CENPE: variants seen among roughly 807,000 people sequenced by gnomAD.
CENPE encodes centromere-associated protein E.
Under a neutral mutation model 336.1 loss-of-function variants are expected in CENPE, and 145 were observed. The ratio of observed to expected loss-of-function variants is 0.43; its 90% CI spans 0.38 to 0.50. The LOEUF is 0.50. Ranked by LOEUF, CENPE falls within the 20% of genes least tolerant of loss-of-function variation. The probability of loss-of-function intolerance (pLI) is 0.00; values close to 1 mark genes in which losing one functional copy is unlikely to be tolerated. For synonymous variants in CENPE, 1,013 were observed against 984.8 expected (o/e 1.03, Z -0.54); for missense variants, 2,719 against 3,023.3 (o/e 0.90, Z 2.36).
At position 103,159,108 on chromosome 4, in the gene CENPE, T is replaced by C; in HGVS notation, c.2503A>G (p.Met835Val). 1 of 1,603,224 alleles carries C rather than the reference T, an allele frequency of 6.2e-7. No individual in the cohort carries two copies. Among genetic ancestry groups the C allele is most frequent in the Non-Finnish European group, 8.5e-7 (1 of 1,176,176 alleles). ...LHMDFEQKYK[M>V]VLEENERMNQ... Reference sequence around the variant, plus strand: ...ATTCTCTCATTCTCCTCAAGGACCATCTTATACTTTTGCTCAAAGTCCATA... The same window carrying C: ...ATTCTCTCATTCTCCTCAAGGACCACCTTATACTTTTGCTCAAAGTCCATA... Residue 835 changes from methionine (M) to valine (V), a missense_variant, in exon 22 of 49, where the codon ATG becomes GTG. By Grantham distance (21) the Met-to-Val change is conservative. Around this residue, in one of 5 missense-constraint regions of CENPE, gnomAD observed 2,437 missense variants for 2,513.3 expected, o/e 0.97. Coordinates refer to ENST00000265148, the MANE Select transcript of CENPE (RefSeq NM_001813.3).
intron 15 of CENPE, 48 bp downstream of exon 15, chr4:103,175,912 T>A (rs571904687): frequency 5.0e-6 from 6 of 1,193,512 alleles, no homozygotes; most frequent in Non-Finnish European, 7.2e-6. Flanking sequence ...AACAAAAGAA[T>A]TTTAAAAAGA....
At chr4:103,190,879 T>C (rs988301615) in intron 8 of CENPE, among the ~76,000 whole-genome samples, 2 of 151,508 alleles carry the variant, frequency 1.3e-5, no homozygotes, top group African/African-American at 2.4e-5. Flanking sequence ...GGGAGAAAAT[T>C]TTTGCAATCT....
intron 48 of CENPE, among the ~76,000 whole-genome samples, chr4:103,106,750 A>G (rs1045746341): frequency 6.6e-6 from 1 of 152,162 alleles, no homozygotes; most frequent in Non-Finnish European, 1.5e-5. Flanking sequence ...CTTATAAACA[A>G]TATTTATTTT....
chr4:103,136,170 C>A lies in CENPE; in HGVS notation c.6493G>T (p.Glu2165Ter). 1 of 1,613,630 alleles carries A rather than the reference C, an allele frequency of 6.2e-7. No homozygotes were observed. The highest frequency in any genetic ancestry group is 1.1e-5 in the South Asian group (1 of 91,032). Residue 2165 changes from glutamate to a stop codon, truncating the protein, a stop_gained, in exon 40 of 49, where the codon GAA becomes TAA. Coordinates refer to ENST00000265148, the MANE Select transcript of CENPE (RefSeq NM_001813.3). LOFTEE classifies it high-confidence loss of function. ...AGTTTCTTCATGATTCTGTGGAATT[C>A]CATGGAGCATCTCTGGTTTGCAGTA... is the stretch of plus-strand genomic sequence containing the variant. ...LFTANQRCSM[E>*]FHRIMKKLKY...
chr4:103,140,076 G>A lies in CENPE; in HGVS notation c.5917C>T (p.Gln1973Ter), dbSNP rs1752410311. ...KSKDELQKKI[Q>*]ELQKKELQLL... ...TGAAGTTCTTTTTTCTGAAGTTCTT[G>A]GATCTTGAGATAATTGTAAAACAAG... Residue 1973 changes from glutamine (Q) to a stop codon, truncating the protein, a stop_gained, in exon 38 of 49, where the codon CAA (glutamine) becomes TAA (stop). Transcript: ENST00000265148. LOFTEE classifies it high-confidence loss of function. The A allele has an allele frequency of 1.3e-6, 2 of 1,596,236 alleles. No individual in the cohort carries two copies. Among genetic ancestry groups the A allele is most frequent in the Non-Finnish European group, 1.7e-6 (2 of 1,173,222 alleles).
chr4:103,106,279 C>T lies in CENPE; in HGVS notation c.8049G>A (p.Gln2683=), dbSNP rs771832973. ...QNAGAESVDS[Q]PGPWHASSGK... ...CTGAGGAGGCGTGCCAAGGACCTGG[C>T]TGAGAATCCACACTCTCTGCTCCTG... The change falls in exon 49 of 49, where the codon CAG becomes CAA. Residue 2683 remains glutamine, a synonymous_variant. Coordinates refer to ENST00000265148, the MANE Select transcript of CENPE (RefSeq NM_001813.3). 8 of 1,602,564 alleles carry T rather than the reference C, an allele frequency of 5.0e-6. No individual in the cohort carries two copies. In the Admixed American group the frequency reaches 1.4e-4, roughly 27 times the overall value.
rs1446000501 is a variant in CENPE, at chr4:103,182,822, C to G, written c.903G>C (p.Lys301Asn). Residue 301 changes from lysine (K) to asparagine (N), a missense_variant, in exon 11 of 49, where the codon AAG (lysine) becomes AAC (asparagine). By Grantham distance (94) the Lys-to-Asn change is moderately conservative. Coordinates refer to ENST00000265148, the MANE Select transcript of CENPE (RefSeq NM_001813.3). ...GAGTAATTGTGCAGATAATACGTGT[C>G]TTTGCATTTCCTCCCAAGGAATTCT... ...ILQNSLGGNA[K>N]TRIICTITPV... 1 of 1,612,672 alleles carries G rather than the reference C, an allele frequency of 6.2e-7. No homozygotes were observed. Among genetic ancestry groups the G allele is most frequent in the Admixed American group, 1.7e-5 (1 of 59,984 alleles).
chr4:103,145,522 C>T lies in CENPE; in HGVS notation c.4572+1G>A, dbSNP rs775661488. On this transcript the variant is annotated splice_donor_variant, in intron 31 of 48. Transcript: ENST00000265148. LOFTEE classifies it high-confidence loss of function. ...CCACTGTTTCTTCATCCCCAATTTACCTTGTTCTGTAATTTATCATTGATT... is the reference window on the plus strand; with the variant it reads ...CCACTGTTTCTTCATCCCCAATTTATCTTGTTCTGTAATTTATCATTGATT... The T allele has an allele frequency of 1.9e-6, 3 of 1,598,680 alleles. No homozygotes were observed. The highest frequency in any genetic ancestry group is 8.5e-7 in the Non-Finnish European group (1 of 1,174,646).
At chr4:103,142,621 G>A (rs1752658774) in intron 34 of CENPE, among the ~76,000 whole-genome samples, 1 of 152,068 alleles carries the variant, frequency 6.6e-6, no homozygotes, top group Admixed American at 6.5e-5. Flanking sequence ...CTTAATTTCT[G>A]CGTTTCTACA....
rs148424402 is a variant in CENPE, at chr4:103,151,764, C to T, written c.3238-387G>A. Among the ~76,000 whole-genome samples the T allele has an allele frequency of 1.1e-3, 164 of 152,254 alleles. 1 individual carries two copies. Among genetic ancestry groups the T allele is most frequent in the Middle Eastern group, 3.4e-3 (1 of 294 alleles). ...TGGTTTTAGCACAGATCACTGCCAGCGAGCTCAAAATGGCAGCCACCCTCT... is the reference window on the plus strand; with the variant it reads ...TGGTTTTAGCACAGATCACTGCCAGTGAGCTCAAAATGGCAGCCACCCTCT... On this transcript the variant is annotated intron_variant, in intron 25 of 48. Coordinates refer to ENST00000265148, the MANE Select transcript of CENPE (RefSeq NM_001813.3).
intron 12 of CENPE, 137 bp downstream of exon 12, chr4:103,181,197 TTTC>T (rs1475499558): frequency 2.0e-5 from 9 of 455,452 alleles, no homozygotes; most frequent in Admixed American, 1.9e-4. Flanking sequence ...TATGAGTGGA[TTTC>T]TTCTTCTTTA....
intron 42 of CENPE, among the ~76,000 whole-genome samples, chr4:103,131,854 C>T (rs1578572055): frequency 6.6e-6 from 1 of 152,110 alleles, no homozygotes; most frequent in East Asian, 1.9e-4. Flanking sequence ...CCTGAAAAGG[C>T]TATATACTGT....
intron 39 of CENPE, among the ~76,000 whole-genome samples, chr4:103,137,298 C>A (rs1394178065): frequency 6.6e-6 from 1 of 152,032 alleles, no homozygotes; most frequent in Non-Finnish European, 1.5e-5. Context: ...TAAATCTGGA[C>A]CCATAGACTC....
intron 38 of CENPE, among the ~76,000 whole-genome samples, chr4:103,138,659 T>C (rs1331246823): frequency 1.3e-5 from 2 of 152,142 alleles, no homozygotes; most frequent in Non-Finnish European, 2.9e-5. Context: ...GGTAAAAAAG[T>C]AGAAAAATCA....
At chr4:103,140,112 A>G (rs372998658) in intron 37 of CENPE, 33 bp from the exon 38 acceptor site, 2 of 1,558,216 alleles carry the variant, frequency 1.3e-6, no homozygotes, top group African/African-American at 1.4e-5. Context: ...TTAGAATGTA[A>G]GCAGTTTCTT....
At chr4:103,160,835 A>AT in intron 20 of CENPE, 56 bp from the exon 21 acceptor site, 1 of 1,415,866 alleles carries the variant, frequency 7.1e-7, no homozygotes. Context: ...AGGTAATTTA[A>AT]TTTTTAATTG....
intron 3 of CENPE, 58 bp downstream of exon 3, chr4:103,196,105 G>A (rs1757711668): frequency 1.3e-6 from 2 of 1,579,818 alleles, no homozygotes; most frequent in Middle Eastern, 1.7e-4. Context: ...AACTATGCAT[G>A]CTTGTTGCAC....
rs754721796 is a variant in CENPE, at chr4:103,198,327, G to A, written c.-8C>T. The stretch of plus-strand genomic sequence containing the variant: ...GGCTCCTTCCTCCGCCATCCTATCA[G>A]GCTGAACTGGTCCCAGGAAAATGGC... On this transcript the variant is annotated 5_prime_UTR_variant, in exon 1 of 49. Coordinates refer to ENST00000265148, the MANE Select transcript of CENPE (RefSeq NM_001813.3). 39 of 1,551,322 alleles carry A rather than the reference G, an allele frequency of 2.5e-5. No individual in the cohort carries two copies. Among genetic ancestry groups the A allele is most frequent in the South Asian group, 5.9e-5 (5 of 84,058 alleles).
Position 103,148,931 on chromosome 4 carries a change from A to C in CENPE, c.3756T>G (p.Asp1252Glu), listed in dbSNP as rs1753297472. The change falls in exon 28 of 49, where the codon GAT (aspartate) becomes GAG (glutamate). Residue 1252 changes from aspartate (D) to glutamate (E), a missense_variant. Asp to Glu is a conservative substitution (Grantham distance 45). Coordinates refer to ENST00000265148, the MANE Select transcript of CENPE (RefSeq NM_001813.3). ...IHLKEHQETI[D>E]ELRRSVSEKT... ...TCTCAGATACGCTTCTTCTTAGTTCATCAATAGTTTCTTGGTGTTCTTTTA... is the reference window on the plus strand; with the variant it reads ...TCTCAGATACGCTTCTTCTTAGTTCCTCAATAGTTTCTTGGTGTTCTTTTA... 1.2e-6 allele frequency: 2 copies of C among 1,613,592 alleles called. No individual in the cohort carries two copies. Among genetic ancestry groups the C allele is most frequent in the African/African-American group, 2.7e-5 (2 of 75,012 alleles).
Sources: gnomAD v4.1 joint callset for allele counts (sites outside exome capture counted in the v4.1 genomes callset) on GRCh38, gnomAD v4.1.1 for gene constraint, gnomAD v4.1.1 regional missense constraint, MANE v1.5 for transcripts, NCBI Gene and HGNC (gene_info 2026-07-23, HGNC 2026-07-21) for gene names.